HNRNPLL: variants seen among roughly 807,000 people sequenced by gnomAD.
HNRNPLL encodes heterogeneous nuclear ribonucleoprotein L like, also known as heterogeneous nuclear ribonucleoprotein L-like.
HNRNPLL carries 25 observed loss-of-function variants against 67.1 expected under a neutral mutation model. The observed-to-expected ratio is 0.37, with a 90% CI of 0.27 to 0.52. The LOEUF (loss-of-function observed/expected upper bound fraction) is 0.52. Ranked by LOEUF, HNRNPLL falls within the 20% of genes least tolerant of loss-of-function variation. The pLI, the probability that HNRNPLL is intolerant of heterozygous loss-of-function variation, is 0.90. For missense variants in HNRNPLL, 542 were observed against 673.9 expected (o/e 0.80, Z 2.17); for synonymous variants, 267 against 241.7 (o/e 1.10, Z -0.97).
chr2:38,592,747 G>A (rs1667013607), intron 1 of HNRNPLL, among the ~76,000 whole-genome samples: 1 of 152,178 alleles, frequency 6.6e-6, no homozygotes, highest in Non-Finnish European at 1.5e-5. Context: ...AATGCCATCA[G>A]GCACTTCTCT....
intron 4 of HNRNPLL, 156 bp from the exon 5 acceptor site, chr2:38,582,324 T>C (rs1438662447): frequency 3.0e-6 from 2 of 673,742 alleles, no homozygotes; most frequent in Admixed American, 2.6e-5. Context: ...TTTTGTTTTG[T>C]TTTGTTTTTG....
chr2:38,578,251 A>G (rs1172394212), intron 6 of HNRNPLL, among the ~76,000 whole-genome samples: 1 of 152,086 alleles, frequency 6.6e-6, no homozygotes, highest in Non-Finnish European at 1.5e-5. Context: ...ACTCTAAAGG[A>G]TAATTTTTAT....
intron 3 of HNRNPLL, among the ~76,000 whole-genome samples, chr2:38,584,816 A>C (rs1573742732): frequency 6.7e-6 from 1 of 148,678 alleles, no homozygotes; most frequent in African/African-American, 2.4e-5. Flanking sequence ...AGCATCTATA[A>C]TTTACACAGC....
chr2:38,591,456 CAAGGCTTGT>C lies in HNRNPLL; in HGVS notation c.308+65_308+73del, dbSNP rs552026748. On this transcript the variant is annotated intron_variant, in intron 2 of 12. Transcript: ENST00000449105. ...AAACAATATTTACTATGCTAAACAT[CAAGGCTTGT>C]AACAAGCAAGCAAGGATTATTCTAC... 339 of 833,068 alleles carry C rather than the reference CAAGGCTTGT, an allele frequency of 4.1e-4. 3 individuals are homozygous for C. The East Asian group carries it at 8.1e-3, about 20-fold the overall frequency. 51.6% of individuals were successfully genotyped at this position (833,068 alleles called of 1,614,324 possible). A position where few individuals can be genotyped will look rare whatever the true frequency, so the allele number is the denominator to read the frequency against.
chr2:38,587,984 C>T (rs530479723), intron 2 of HNRNPLL, among the ~76,000 whole-genome samples: 7 of 151,776 alleles, frequency 4.6e-5, no homozygotes, highest in East Asian at 1.9e-4. Context: ...TCTTTTTTTT[C>T]TCTCTCTCTC....
intron 2 of HNRNPLL, among the ~76,000 whole-genome samples, chr2:38,588,275 C>T (rs1666811700): frequency 6.6e-6 from 1 of 152,102 alleles, no homozygotes; most frequent in South Asian, 2.1e-4. Context: ...GCTGGCTAGG[C>T]ACGGTGGCTC....
rs139893069 is a variant in HNRNPLL, at chr2:38,582,828, G to A, written c.633-660C>T. 6.4e-3 allele frequency among the ~76,000 whole-genome samples: 973 copies of A among 151,402 alleles called. 6 individuals are homozygous for A. The highest frequency in any genetic ancestry group is 0.021 in the African/African-American group (875 of 41,246). ...CCAGCTACTTGGGAGGCTGAGACAC[G>A]GGAATCACTTGACCACCCTGGGCAA... is the stretch of plus-strand genomic sequence containing the variant. On this transcript the variant is annotated intron_variant, in intron 4 of 12. Transcript: ENST00000449105.
In HNRNPLL at chr2:38,589,733, T is replaced by C. The variant is rs560148210; in HGVS notation, c.308+1797A>G. On this transcript the variant is annotated intron_variant, in intron 2 of 12. Coordinates refer to ENST00000449105, the MANE Select transcript of HNRNPLL (RefSeq NM_138394.4). ...AAAATAGTTCTATTTCTTTAATTCC[T>C]AACCTTCATGTCATGGTACTAATTA... Among the ~76,000 whole-genome samples the C allele has an allele frequency of 3.0e-4, 45 of 152,334 alleles. 1 individual carries two copies. In the South Asian group the frequency reaches 9.1e-3, roughly 31 times the overall value.
rs1440513029 is a variant in HNRNPLL, at chr2:38,563,183, A to G, written c.*999T>C. The G allele has an allele frequency of 2.6e-5, 4 of 151,984 alleles. No homozygotes were observed. Among genetic ancestry groups the G allele is most frequent in the Admixed American group, 2.0e-4 (3 of 15,262 alleles). 9.4% of individuals were successfully genotyped at this position (151,984 alleles called of 1,614,324 possible). On this transcript the variant is annotated 3_prime_UTR_variant, in exon 13 of 13. Transcript: ENST00000449105. ...TATCTTAAAAAGAAAAAAAAAACAG[A>G]TCCAGTGGGAGAAAGAATGTTTAAT...
In HNRNPLL at chr2:38,563,542, A is replaced by G. The variant is rs925725536; in HGVS notation, c.*640T>C. 1 of 152,142 alleles carries G rather than the reference A, an allele frequency of 6.6e-6. No homozygotes were observed. The highest frequency in any genetic ancestry group is 1.5e-5 in the Non-Finnish European group (1 of 67,976). 9.4% of individuals were successfully genotyped at this position (152,142 alleles called of 1,614,324 possible). ...TAACTTTATAAAATCTCCAAACTGG[A>G]CTAGAAACAGAGGCATGTCAATACA... On this transcript the variant is annotated 3_prime_UTR_variant, in exon 13 of 13. Coordinates refer to ENST00000449105, the MANE Select transcript of HNRNPLL (RefSeq NM_138394.4).
intron 3 of HNRNPLL, among the ~76,000 whole-genome samples, chr2:38,584,564 TA>T (rs1291916468): frequency 6.6e-6 from 1 of 152,194 alleles, no homozygotes; most frequent in Non-Finnish European, 1.5e-5. Context: ...AATCAATGAA[TA>T]TTTTTTCCAA....
In HNRNPLL at chr2:38,602,819, C is replaced by G. The variant is rs1336503160; in HGVS notation, c.-193G>C. Reference sequence around the variant, plus strand: ...CGCGGACGGACTGAGGGGGGCGCCCCGGGAGGAAGCTCTGGAGCGGCCGCT... The same window carrying G: ...CGCGGACGGACTGAGGGGGGCGCCCGGGGAGGAAGCTCTGGAGCGGCCGCT... On this transcript the variant is annotated 5_prime_UTR_variant, in exon 1 of 13. Transcript: ENST00000449105. 2 of 1,545,720 alleles carry G rather than the reference C, an allele frequency of 1.3e-6. No individual in the cohort carries two copies. Among genetic ancestry groups the G allele is most frequent in the East Asian group, 2.5e-5 (1 of 40,220 alleles).
At position 38,602,739 on chromosome 2, in the gene HNRNPLL, C is replaced by T; in HGVS notation, c.-113G>A. On this transcript the variant is annotated 5_prime_UTR_variant, in exon 1 of 13. Coordinates refer to ENST00000449105, the MANE Select transcript of HNRNPLL (RefSeq NM_138394.4). ...GGCAGCGCCTCTTCTGCGAGGGTCT[C>T]CGCGGCCCGGCCGTCCGCGGGGACT... 6.7e-7 allele frequency: 1 copy of T among 1,497,166 alleles called. No homozygotes were observed. Among genetic ancestry groups the T allele is most frequent in the Non-Finnish European group, 8.9e-7 (1 of 1,122,594 alleles). 92.7% of individuals were successfully genotyped at this position (1,497,166 alleles called of 1,614,324 possible).
At chr2:38,569,428 T>C (rs1443069287) in intron 9 of HNRNPLL, 94 bp from the exon 10 acceptor site, 1 of 869,966 alleles carries the variant, frequency 1.1e-6, no homozygotes, top group Non-Finnish European at 1.8e-6. Flanking sequence ...CTTGCATAAA[T>C]CTTAACCAAA....
chr2:38,596,486 G>A (rs1172165546), intron 1 of HNRNPLL, among the ~76,000 whole-genome samples: 1 of 152,066 alleles, frequency 6.6e-6, no homozygotes, highest in Non-Finnish European at 1.5e-5. Context: ...TTGAATTCTT[G>A]GCCTCAAGTG....
rs967224118 is a variant in HNRNPLL, at chr2:38,563,520, C to T, written c.*662G>A. On this transcript the variant is annotated 3_prime_UTR_variant, in exon 13 of 13. Transcript: ENST00000449105. Reference sequence around the variant, plus strand: ...TGAACACATTAACTCATTGTTATAACTTTATAAAATCTCCAAACTGGACTA... The same window carrying T: ...TGAACACATTAACTCATTGTTATAATTTTATAAAATCTCCAAACTGGACTA... 1.3e-5 allele frequency: 2 copies of T among 151,914 alleles called. No homozygotes were observed. Among genetic ancestry groups the T allele is most frequent in the African/African-American group, 4.8e-5 (2 of 41,378 alleles). The allele number at this position is 151,914 out of a possible 1,614,324, so 9.4% of individuals were successfully genotyped here.
chr2:38,564,533 C>G (rs944739635), intron 12 of HNRNPLL, among the ~76,000 whole-genome samples: 1 of 143,516 alleles, frequency 7.0e-6, no homozygotes, highest in Admixed American at 7.4e-5. Flanking sequence ...GGCAGGAGAA[C>G]TGCATGAACC....
chr2:38,571,006 C>T (rs1035644995), intron 8 of HNRNPLL, among the ~76,000 whole-genome samples: 1 of 152,126 alleles, frequency 6.6e-6, no homozygotes, highest in Non-Finnish European at 1.5e-5. Flanking sequence ...GACGGTGCCA[C>T]TGTATTCCAG....
chr2:38,583,691 AT>A, intron 4 of HNRNPLL, 149 bp downstream of exon 4: 1 of 449,222 alleles, frequency 2.2e-6, no homozygotes, highest in Non-Finnish European at 4.1e-6. Context: ...AAAATTCCCT[AT>A]GAGTACTGCA....
Sources: allele counts gnomAD v4.1 joint callset (sites outside exome capture counted in the v4.1 genomes callset), GRCh38; gene constraint gnomAD v4.1.1; transcripts MANE v1.5; gene names NCBI Gene and HGNC (gene_info 2026-07-23, HGNC 2026-07-21).